Variants in NAALADL2 observed in about 807,000 individuals in gnomAD.
The protein encoded by NAALADL2 is inactive N-acetylated-alpha-linked acidic dipeptidase-like protein 2.
NAALADL2 carries 76 observed loss-of-function variants against 87.2 expected under a neutral mutation model. That is an observed-to-expected ratio of 0.87 (90% confidence interval 0.72 to 1.05). The LOEUF (loss-of-function observed/expected upper bound fraction) is 1.05. Among genes scored for constraint, NAALADL2 ranks in the 50% least tolerant of loss-of-function variants. NAALADL2 has a pLI of 0.00. For missense variants in NAALADL2, 1,089 were observed against 945.8 expected (o/e 1.15, Z -1.99); for synonymous variants, 354 against 331.0 (o/e 1.07, Z -0.75).
At chr3:174,494,994 A>G (rs1430753938) in intron 1 of NAALADL2, among the ~76,000 whole-genome samples, 1 of 152,170 alleles carries the variant, frequency 6.6e-6, no homozygotes. Context: ...CAAGTCAGCA[A>G]TATGTTATTA....
chr3:174,547,623 C>T (rs1578140619), intron 1 of NAALADL2, among the ~76,000 whole-genome samples: 1 of 152,062 alleles, frequency 6.6e-6, no homozygotes, highest in South Asian at 2.1e-4. Flanking sequence ...TTTCCTTTCT[C>T]AGCATTCTGT....
At chr3:175,139,935 G>T (rs1729742023) in intron 2 of NAALADL2, among the ~76,000 whole-genome samples, 1 of 151,954 alleles carries the variant, frequency 6.6e-6, no homozygotes, top group East Asian at 1.9e-4. Flanking sequence ...TAATTGGGTG[G>T]TAAGGCAGTA....
At chr3:175,335,873 G>A (rs908244718) in intron 5 of NAALADL2, among the ~76,000 whole-genome samples, 1 of 152,060 alleles carries the variant, frequency 6.6e-6, no homozygotes, top group African/African-American at 2.4e-5. Flanking sequence ...GTATAAATGT[G>A]GACTATTTTT....
In NAALADL2 at chr3:175,809,511, T is replaced by TAAAAAAAAAAAAA. The variant is rs1297830446; in HGVS notation, c.*6324_*6336dup. The TAAAAAAAAAAAAA allele has an allele frequency of 3.2e-5, 1 of 31,506 alleles. No homozygotes were observed. The highest frequency in any genetic ancestry group is 5.7e-5 in the Non-Finnish European group (1 of 17,644). 2.0% of individuals were successfully genotyped at this position (31,506 alleles called of 1,614,324 possible). On this transcript the variant is annotated 3_prime_UTR_variant, in exon 14 of 14. Transcript: ENST00000454872. ...CAACAAAGTGAGACCCTGTCTCTCT[T>TAAAAAAAAAAAAA]AAAAAAAAAAAAAAAAAAAAAAAAA...
At chr3:174,501,386 CT>C (rs1345193395) in intron 1 of NAALADL2, among the ~76,000 whole-genome samples, 1 of 151,982 alleles carries the variant, frequency 6.6e-6, no homozygotes, top group Non-Finnish European at 1.5e-5. Flanking sequence ...CCTTTTTTTT[CT>C]TATACTAAGA....
intron 2 of NAALADL2, among the ~76,000 whole-genome samples, chr3:175,194,433 G>C (rs539906596): frequency 3.2e-4 from 48 of 151,884 alleles, no homozygotes; most frequent in Non-Finnish European, 6.5e-4. Context: ...ATCCCTTAAG[G>C]GGCTTGACAG....
intron 7 of NAALADL2, among the ~76,000 whole-genome samples, chr3:175,464,839 T>C (rs1442419843): frequency 1.3e-5 from 2 of 152,206 alleles, no homozygotes; most frequent in African/African-American, 4.8e-5. Context: ...TTGAAAATTG[T>C]TACTATTGAA....
chr3:175,357,508 C>T (rs1764520510), intron 5 of NAALADL2, among the ~76,000 whole-genome samples: 1 of 151,918 alleles, frequency 6.6e-6, no homozygotes, highest in Non-Finnish European at 1.5e-5. Context: ...AACAACTGTC[C>T]CATAGATTTT....
At chr3:174,611,943 G>A (rs1277899764) in intron 2 of NAALADL2, among the ~76,000 whole-genome samples, 3 of 149,066 alleles carry the variant, frequency 2.0e-5, no homozygotes, top group Non-Finnish European at 4.4e-5. Flanking sequence ...TTTTCTTGAC[G>A]TGCTCCCTTT....
chr3:174,571,870 A>G (rs1001554246), intron 2 of NAALADL2, among the ~76,000 whole-genome samples: 1 of 152,248 alleles, frequency 6.6e-6, no homozygotes, highest in African/African-American at 2.4e-5. Flanking sequence ...GAATTACTCA[A>G]TAAAAACTAC....
chr3:174,956,278 T>C (rs927358459), intron 1 of NAALADL2, among the ~76,000 whole-genome samples: 1 of 151,968 alleles, frequency 6.6e-6, no homozygotes, highest in African/African-American at 2.4e-5. Flanking sequence ...TAGTCTCTTA[T>C]GGACTCACTA....
At chr3:174,988,020 T>C (rs1176446314) in intron 1 of NAALADL2, among the ~76,000 whole-genome samples, 1 of 149,554 alleles carries the variant, frequency 6.7e-6, no homozygotes, top group African/African-American at 2.6e-5. Context: ...GTAAAATAAG[T>C]TAAGAGTTAA....
intron 2 of NAALADL2, among the ~76,000 whole-genome samples, chr3:174,667,954 G>C (rs571182071): frequency 1.3e-5 from 2 of 151,870 alleles, no homozygotes; most frequent in African/African-American, 4.8e-5. Context: ...TTTTTTTTAT[G>C]ATAGCAGCTG....
intron 1 of NAALADL2, among the ~76,000 whole-genome samples, chr3:174,978,411 C>T (rs1744651734): frequency 6.6e-6 from 1 of 152,128 alleles, no homozygotes; most frequent in South Asian, 2.1e-4. Context: ...ATAATTTGTT[C>T]AGTCCTCACT....
At chr3:174,480,899 G>A (rs561452560) in intron 1 of NAALADL2, among the ~76,000 whole-genome samples, 7 of 151,988 alleles carry the variant, frequency 4.6e-5, no homozygotes, top group East Asian at 1.9e-4. Flanking sequence ...ATACAGGTCC[G>A]ACAGGTCATA....
chr3:175,483,764 T>C (rs2149326116), intron 9 of NAALADL2, among the ~76,000 whole-genome samples: 1 of 152,234 alleles, frequency 6.6e-6, no homozygotes, highest in African/African-American at 2.4e-5. Context: ...CTGAAAGCAG[T>C]GCAGACATTT....
At chr3:174,540,674 T>C (rs893762482) in intron 1 of NAALADL2, 1 of 152,214 alleles carries the variant, frequency 6.6e-6, no homozygotes, top group Admixed American at 6.5e-5. Flanking sequence ...GGCATAAATT[T>C]ACCTCACTTC....
intron 4 of NAALADL2, among the ~76,000 whole-genome samples, chr3:175,323,312 G>A (rs1439582178): frequency 1.1e-4 from 15 of 131,520 alleles, no homozygotes; most frequent in African/African-American, 4.3e-4. Flanking sequence ...CACAGGAAGG[G>A]GAATATCACA....
At chr3:175,563,979 T>A (rs974419293) in intron 9 of NAALADL2, among the ~76,000 whole-genome samples, 7 of 152,178 alleles carry the variant, frequency 4.6e-5, no homozygotes, top group African/African-American at 1.7e-4. Context: ...TATGCGATGA[T>A]GCTGTCATCT....
Sources: allele counts gnomAD v4.1 joint callset (sites outside exome capture counted in the v4.1 genomes callset), GRCh38; gene constraint gnomAD v4.1.1; transcripts MANE v1.5; gene names NCBI Gene and HGNC (gene_info 2026-07-23, HGNC 2026-07-21).